KIAA2012: variants seen among roughly 807,000 people sequenced by gnomAD.
KIAA2012 encodes the protein uncharacterized protein KIAA2012.
A neutral mutation model predicts 150.6 loss-of-function variants in KIAA2012; 125 were observed. That is an observed-to-expected ratio of 0.83 (90% CI 0.72 to 0.96). The LOEUF (loss-of-function observed/expected upper bound fraction) is 0.96, where lower values mean the gene tolerates loss of function less well. KIAA2012 is among the 40% of genes least tolerant of loss of function. The probability of loss-of-function intolerance (pLI) is 0.00; values close to 1 mark genes in which losing one functional copy is unlikely to be tolerated. For missense variants in KIAA2012, 1,219 were observed against 1,354.9 expected (o/e 0.90, Z 1.57); for synonymous variants, 462 against 504.7 (o/e 0.92, Z 1.13).
At chr2:202,074,834 T>C (rs1689286089) in intron 1 of KIAA2012, 57 bp from the exon 2 acceptor site, 2 of 1,474,620 alleles carry the variant, frequency 1.4e-6, no homozygotes, top group Non-Finnish European at 1.8e-6. Context: ...CAAGCAGTAT[T>C]TGCTATAGAA....
intron 2 of KIAA2012, among the ~76,000 whole-genome samples, chr2:202,081,574 T>C (rs1689453002): frequency 6.7e-6 from 1 of 149,618 alleles, no homozygotes; most frequent in African/African-American, 2.5e-5. Context: ...GCTGACGGAG[T>C]TTCGCTCTTG....
At chr2:202,084,844 AAGAG>A (rs917941202) in intron 2 of KIAA2012, among the ~76,000 whole-genome samples, 5 of 152,206 alleles carry the variant, frequency 3.3e-5, no homozygotes, top group Admixed American at 2.6e-4. Context: ...TTTTAAAAAA[AAGAG>A]AGAGAAGAAA....
At chr2:202,125,147 G>A (rs894145871) in intron 11 of KIAA2012, 67 bp from the exon 12 acceptor site, 41 of 1,259,708 alleles carry the variant, frequency 3.3e-5, no homozygotes, top group African/African-American at 1.0e-4. Context: ...CCCTGTCTTC[G>A]GATAAGGGAA....
At chr2:202,088,727 C>T (rs570840333) in intron 2 of KIAA2012, among the ~76,000 whole-genome samples, 20 of 152,260 alleles carry the variant, frequency 1.3e-4, no homozygotes, top group East Asian at 5.8e-4. Context: ...AATGATTAGA[C>T]GATTGAGAAG....
At chr2:202,076,513 T>C (rs1409589871) in intron 2 of KIAA2012, among the ~76,000 whole-genome samples, 3 of 152,166 alleles carry the variant, frequency 2.0e-5, no homozygotes, top group Non-Finnish European at 4.4e-5. Context: ...AAATAATAAA[T>C]TCTTGAATAA....
In KIAA2012 at chr2:202,190,382, T is replaced by G. The variant is rs1475936172; in HGVS notation, c.2700T>G (p.Asp900Glu). 3 of 1,550,480 alleles carry G rather than the reference T, an allele frequency of 1.9e-6. No individual in the cohort carries two copies. The highest frequency in any genetic ancestry group is 2.7e-5 in the African/African-American group (2 of 72,978). Reference protein sequence around the residue: ...VEDPWLSPKYDAQESQVSLDG... With the variant: ...VEDPWLSPKYEAQESQVSLDG... ...ACCCTTGGCTTTCTCCCAAATATGA[T>G]GCCCAGGAAAGCCAAGTTTCTCTAG... is the stretch of plus-strand genomic sequence containing the variant. The change falls in exon 19 of 24, where the codon GAT (aspartate) becomes GAG (glutamate). Residue 900 changes from aspartate to glutamate, a missense_variant. Coordinates refer to ENST00000498697, the MANE Select transcript of KIAA2012 (RefSeq NM_001277372.4).
chr2:202,139,161 A>G lies in KIAA2012; in HGVS notation c.1908+653A>G, dbSNP rs1039591709. Among the ~76,000 whole-genome samples the G allele has an allele frequency of 2.0e-5, 3 of 151,568 alleles. No homozygotes were observed. In the East Asian group the frequency reaches 5.8e-4, roughly 29 times the overall value. On this transcript the variant is annotated intron_variant, in intron 13 of 23. Coordinates refer to ENST00000498697, the MANE Select transcript of KIAA2012 (RefSeq NM_001277372.4). Reference sequence around the variant, plus strand: ...GAGGCTGAGGCAGGAAAATCGCTTGAACCTGGGAGTTGGAGGTTGCAGTGA... The same window carrying G: ...GAGGCTGAGGCAGGAAAATCGCTTGGACCTGGGAGTTGGAGGTTGCAGTGA...
chr2:202,156,812 G>C (rs1052077730), intron 14 of KIAA2012, among the ~76,000 whole-genome samples: 3 of 152,246 alleles, frequency 2.0e-5, no homozygotes, highest in African/African-American at 4.8e-5. Flanking sequence ...ATGAACCCGG[G>C]AGGTGGAGCT....
chr2:202,203,420 T>A (rs1692568165), intron 23 of KIAA2012, among the ~76,000 whole-genome samples: 1 of 152,220 alleles, frequency 6.6e-6, no homozygotes, highest in Admixed American at 6.5e-5. Flanking sequence ...AATGTTCATT[T>A]CAGCAAAATG....
intron 2 of KIAA2012, among the ~76,000 whole-genome samples, chr2:202,080,124 T>C (rs1480289860): frequency 6.6e-6 from 1 of 152,172 alleles, no homozygotes; most frequent in Non-Finnish European, 1.5e-5. Flanking sequence ...AACCCCTAGA[T>C]GGCTTGATTT....
intron 4 of KIAA2012, among the ~76,000 whole-genome samples, chr2:202,095,431 A>G (rs1689843946): frequency 1.3e-5 from 2 of 152,164 alleles, no homozygotes; most frequent in African/African-American, 4.8e-5. Flanking sequence ...GTAAAATGCA[A>G]ATACTGGGGT....
chr2:202,098,789 CGTGTGTGTGT>C (rs10536026), intron 5 of KIAA2012, among the ~76,000 whole-genome samples: 8,002 of 148,496 alleles, frequency 0.054, 527 homozygotes, highest in East Asian at 0.3. Flanking sequence ...ACTCTAAGGC[CGTGTGTGTGT>C]GTGTGTGTGT....
intron 12 of KIAA2012, among the ~76,000 whole-genome samples, chr2:202,131,665 A>G (rs1178715991): frequency 6.6e-6 from 1 of 152,242 alleles, no homozygotes; most frequent in Non-Finnish European, 1.5e-5. Flanking sequence ...AGGAGAGGAC[A>G]CTTAAGCAGA....
intron 14 of KIAA2012, among the ~76,000 whole-genome samples, chr2:202,158,511 A>C (rs749501151): frequency 2.0e-5 from 3 of 151,952 alleles, no homozygotes; most frequent in Non-Finnish European, 2.9e-5. Context: ...TTGCATGTGA[A>C]CTTCTCACAT....
intron 7 of KIAA2012, among the ~76,000 whole-genome samples, chr2:202,102,481 T>C (rs552352231): frequency 1.6e-4 from 25 of 152,186 alleles, no homozygotes; most frequent in Non-Finnish European, 3.2e-4. Context: ...GAGGAAGAAA[T>C]TGTAGCTTGG....
At chr2:202,114,602 A>T (rs1044972499) in intron 11 of KIAA2012, 5 of 166,774 alleles carry the variant, frequency 3.0e-5, no homozygotes, top group African/African-American at 1.2e-4. Flanking sequence ...GAAGCAGAAA[A>T]GGAAATATTT....
chr2:202,077,185 C>G (rs184187892), intron 2 of KIAA2012: 9 of 381,356 alleles, frequency 2.4e-5, no homozygotes, highest in Admixed American at 9.5e-5. Flanking sequence ...GTTGCCCCCC[C>G]AGCTGTTTGG....
At chr2:202,201,773 A>G in intron 22 of KIAA2012, 1 of 1,319,504 alleles carries the variant, frequency 7.6e-7, no homozygotes. Flanking sequence ...AGGCAGTCGG[A>G]GCATCAGTAT....
At position 202,196,978 on chromosome 2, in the gene KIAA2012, G is replaced by A; in HGVS notation, c.3366G>A (p.Leu1122=). 6.4e-7 allele frequency: 1 copy of A among 1,550,646 alleles called. No individual in the cohort carries two copies. ...RRQKEEEAAR[L]ALEEATKQAQ... ...AAAAAGAAGAGGAAGCAGCAAGACT[G>A]GCTCTGGAAGAAGCCACGAAACAAG... Residue 1122 remains leucine (L), a synonymous_variant, in exon 22 of 24, where the codon CTG becomes CTA. Coordinates refer to ENST00000498697, the MANE Select transcript of KIAA2012 (RefSeq NM_001277372.4).
Sources: allele counts gnomAD v4.1 joint callset (sites outside exome capture counted in the v4.1 genomes callset), GRCh38; gene constraint gnomAD v4.1.1; transcripts MANE v1.5; gene names NCBI Gene and HGNC (gene_info 2026-07-23, HGNC 2026-07-21).